SDK1: variants seen among roughly 807,000 people sequenced by gnomAD.
The protein encoded by SDK1 is sidekick cell adhesion molecule 1, also known as protein sidekick-1.
Under a neutral mutation model 245.5 loss-of-function variants are expected in SDK1, and 157 were observed. That is an observed-to-expected ratio of 0.64 (90% CI 0.56 to 0.73). The LOEUF is 0.73. Ranked by LOEUF, SDK1 falls within the 30% of genes least tolerant of loss-of-function variation. The probability of loss-of-function intolerance (pLI) is 0.00; values close to 1 mark genes in which losing one functional copy is unlikely to be tolerated. For missense variants in SDK1, 3,583 were observed against 3,002.3 expected (o/e 1.19, Z -4.52); for synonymous variants, 1,647 against 1,278.5 (o/e 1.29, Z -6.15).
At chr7:3,580,131 A>C (rs2705612) in intron 1 of SDK1, among the ~76,000 whole-genome samples, 31,436 of 152,194 alleles carry the variant, frequency 0.21, 4,013 homozygotes, top group South Asian at 0.3. Context: ...CACTGTTCAA[A>C]GAAATCAGAG....
chr7:3,782,948 A>G (rs1780789989), intron 4 of SDK1, among the ~76,000 whole-genome samples: 2 of 152,192 alleles, frequency 1.3e-5, no homozygotes, highest in African/African-American at 4.8e-5. Context: ...AGTGTTCTTG[A>G]TGAACATAGA....
intron 4 of SDK1, among the ~76,000 whole-genome samples, chr7:3,673,847 C>G (rs1419654574): frequency 6.6e-6 from 1 of 152,108 alleles, no homozygotes; most frequent in African/African-American, 2.4e-5. Context: ...AAACTGAGTT[C>G]TAAGTACTTC....
chr7:4,147,837 T>C (rs946533262), intron 29 of SDK1, among the ~76,000 whole-genome samples: 2 of 152,156 alleles, frequency 1.3e-5, no homozygotes, highest in Admixed American at 6.5e-5. Flanking sequence ...CTAATGTATT[T>C]GTGTGGTTTT....
intron 19 of SDK1, 85 bp from the exon 20 acceptor site, chr7:4,067,753 C>A: frequency 2.1e-6 from 2 of 950,050 alleles, no homozygotes; most frequent in Non-Finnish European, 3.2e-6. Flanking sequence ...CACTTTCCTT[C>A]CATAGTTAGA....
At chr7:3,464,764 G>A (rs1161726362) in intron 1 of SDK1, among the ~76,000 whole-genome samples, 2 of 150,558 alleles carry the variant, frequency 1.3e-5, no homozygotes, top group African/African-American at 2.5e-5. Flanking sequence ...TTTCAATTTT[G>A]ACTTATTTTT....
chr7:3,481,543 A>T (rs946017919), intron 1 of SDK1, among the ~76,000 whole-genome samples: 7 of 152,222 alleles, frequency 4.6e-5, no homozygotes, highest in African/African-American at 1.7e-4. Context: ...GCCAGTGAGA[A>T]ACGAGGGCAA....
chr7:3,660,770 G>T (rs1299565270), intron 4 of SDK1, among the ~76,000 whole-genome samples: 1 of 152,198 alleles, frequency 6.6e-6, no homozygotes, highest in Non-Finnish European at 1.5e-5. Flanking sequence ...GAACTGCACT[G>T]TTTTACCTTG....
chr7:4,088,681 C>CT (rs1232258909), intron 22 of SDK1, among the ~76,000 whole-genome samples: 1 of 152,114 alleles, frequency 6.6e-6, no homozygotes, highest in East Asian at 1.9e-4. Flanking sequence ...TTCTGTTTCA[C>CT]TATTCCGGAG....
chr7:4,011,913 T>C (rs1027951559), intron 15 of SDK1, among the ~76,000 whole-genome samples, 182 bp from the exon 16 acceptor site: 4 of 152,150 alleles, frequency 2.6e-5, no homozygotes, highest in African/African-American at 9.7e-5. Context: ...TTCTATTATG[T>C]TGATTTGTGG....
intron 5 of SDK1, among the ~76,000 whole-genome samples, chr7:3,826,132 G>A (rs1304157367): frequency 1.3e-5 from 2 of 152,170 alleles, no homozygotes; most frequent in Non-Finnish European, 2.9e-5. Flanking sequence ...GCTGGTGTTG[G>A]ACAGAACTAA....
rs35423286 is a variant in SDK1 at position 4,063,597 on chromosome 7, C to CAAAAAAAAAAAAAAAAAAAA, written c.2912-4229_2912-4228insAAAAAAAAAAAAAAAAAAAA. Among the ~76,000 whole-genome samples the CAAAAAAAAAAAAAAAAAAAA allele has an allele frequency of 1.7e-4, 21 of 125,124 alleles. No homozygotes were observed. In the South Asian group the frequency reaches 2.4e-3, roughly 14 times the overall value. 82.1% of individuals were successfully genotyped at this position (125,124 alleles called of 152,430 possible). ...ACCAGTGTCATTTTCACAGAAATAGCAAAAAAAAAAAACAAAAAACCCCGT... is the reference window on the plus strand; with the variant it reads ...ACCAGTGTCATTTTCACAGAAATAGCAAAAAAAAAAAAAAAAAAAAAAAAAAAAAAAACAAAAAACCCCGT... On this transcript the variant is annotated intron_variant, in intron 19 of 44. Coordinates refer to ENST00000404826, the MANE Select transcript of SDK1 (RefSeq NM_152744.4).
At chr7:3,587,765 C>T (rs1252948053) in intron 1 of SDK1, among the ~76,000 whole-genome samples, 7 of 152,256 alleles carry the variant, frequency 4.6e-5, no homozygotes, top group African/African-American at 1.2e-4. Context: ...GACAAAAGTA[C>T]ACTGCCCCTT....
chr7:4,130,359 C>T (rs926134282), intron 27 of SDK1: 2 of 485,054 alleles, frequency 4.1e-6, no homozygotes, highest in Non-Finnish European at 7.2e-6. Flanking sequence ...TGGGGAGAGG[C>T]AGCAGAGGCT....
In SDK1 at chr7:3,587,844, G is replaced by A. The variant is rs116595904; in HGVS notation, c.299-31236G>A. Among the ~76,000 whole-genome samples, 750 of 152,318 alleles carry A rather than the reference G, an allele frequency of 4.9e-3. 6 individuals are homozygous for A. Among genetic ancestry groups the A allele is most frequent in the South Asian group, 0.018 (86 of 4,820 alleles). On this transcript the variant is annotated intron_variant, in intron 1 of 44. Coordinates refer to ENST00000404826, the MANE Select transcript of SDK1 (RefSeq NM_152744.4). The stretch of plus-strand genomic sequence containing the variant: ...GCTCTCCACATCTAAATTGTAAGCT[G>A]CTCCAGGGCAGGGGCCAGATCTTCT...
chr7:3,402,349 TG>T (rs1778911983), intron 1 of SDK1, among the ~76,000 whole-genome samples: 1 of 152,192 alleles, frequency 6.6e-6, no homozygotes, highest in African/African-American at 2.4e-5. Context: ...TTATTGTGTC[TG>T]CCCAAGAAAT....
At position 4,114,261 on chromosome 7, in the gene SDK1, G is replaced by A. The variant is rs1351136080; in HGVS notation, c.3810G>A (p.Arg1270=). The A allele has an allele frequency of 6.2e-7, 1 of 1,605,062 alleles. No individual in the cohort carries two copies. Among genetic ancestry groups the A allele is most frequent in the African/African-American group, 1.3e-5 (1 of 74,916 alleles). Residue 1270 remains arginine, a synonymous_variant, in exon 25 of 45, where the codon CGG becomes CGA. Transcript: ENST00000404826. ...CGTGGAGCGAGGTGGTGCGGGGCCG[G>A]ACGCGGGAGTCAGGTGAGGGGAAGG... is the stretch of plus-strand genomic sequence containing the variant. The part of the protein sequence containing the change: ...AGPWSEVVRG[R]TRESVPSAAP...
chr7:3,640,126 G>T lies in SDK1; in HGVS notation c.565+1016G>T, dbSNP rs10246013. Among the ~76,000 whole-genome samples the T allele has an allele frequency of 2.0e-3, 302 of 152,300 alleles. 1 individual carries two copies. Among genetic ancestry groups the T allele is most frequent in the African/African-American group, 6.5e-3 (272 of 41,578 alleles). On this transcript the variant is annotated intron_variant, in intron 3 of 44. Transcript: ENST00000404826. ...CCTGCTCCATCCAGCCTTCCAAAGTGCTGGGATTACAAGAGTGAGCTTGGC... is the reference window on the plus strand; with the variant it reads ...CCTGCTCCATCCAGCCTTCCAAAGTTCTGGGATTACAAGAGTGAGCTTGGC...
At chr7:3,936,121 G>T (rs183016350) in intron 5 of SDK1, among the ~76,000 whole-genome samples, 37 of 152,268 alleles carry the variant, frequency 2.4e-4, no homozygotes, top group Non-Finnish European at 5.9e-5. Flanking sequence ...TATGGTAAGT[G>T]AATTAAGGCA....
intron 4 of SDK1, among the ~76,000 whole-genome samples, chr7:3,741,929 A>G (rs1454715160): frequency 6.6e-6 from 1 of 150,674 alleles, no homozygotes; most frequent in Non-Finnish European, 1.5e-5. Flanking sequence ...CTTGACCATA[A>G]GCCCAATACC....
Sources: allele counts gnomAD v4.1 joint callset (sites outside exome capture counted in the v4.1 genomes callset), GRCh38; gene constraint gnomAD v4.1.1; transcripts MANE v1.5; gene names NCBI Gene and HGNC (gene_info 2026-07-23, HGNC 2026-07-21).